Variants in PLEKHH1 observed in about 807,000 individuals in gnomAD.
The protein encoded by PLEKHH1 is pleckstrin homology, MyTH4 and FERM domain containing H1.
Under a neutral mutation model 160.0 loss-of-function variants are expected in PLEKHH1, and 104 were observed. The observed-to-expected ratio is 0.65, with a 90% CI of 0.55 to 0.76. PLEKHH1 has a LOEUF of 0.76. Among genes scored for constraint, PLEKHH1 ranks in the 30% least tolerant of loss-of-function variants. PLEKHH1 has a pLI of 0.00. For synonymous variants in PLEKHH1, 619 were observed against 678.4 expected, an observed-to-expected ratio of 0.91 and a Z score of 1.36; for missense variants, 1,427 against 1,724.1, an observed-to-expected ratio of 0.83 and a Z score of 3.05.
chr14:67,575,019 C>A (rs1019969757), intron 14 of PLEKHH1, among the ~76,000 whole-genome samples: 2 of 152,236 alleles, frequency 1.3e-5, no homozygotes, highest in African/African-American at 2.4e-5. Flanking sequence ...TCTGTTCCTT[C>A]ATGATGCATG....
At chr14:67,535,370 C>CTTTTTTTTTT (rs71129833) in intron 1 of PLEKHH1, among the ~76,000 whole-genome samples, 1 of 74,192 alleles carries the variant, frequency 1.3e-5, no homozygotes. Context: ...GTGAGCACAT[C>CTTTTTTTTTT]TTTTTTTTTT....
chr14:67,541,777 A>G (rs1391819672), intron 1 of PLEKHH1, 57 bp from the exon 2 acceptor site: 2 of 1,235,610 alleles, frequency 1.6e-6, no homozygotes, highest in South Asian at 1.6e-5. Context: ...CTTTCCCCAC[A>G]GAACTCTTCC....
chr14:67,566,749 GAA>G (rs58616303), intron 7 of PLEKHH1, among the ~76,000 whole-genome samples: 18,188 of 134,130 alleles, frequency 0.14, 1,365 homozygotes, highest in East Asian at 0.28. Flanking sequence ...ACCCTGTCTT[GAA>G]AAAAAAAAAA....
intron 22 of PLEKHH1, 167 bp downstream of exon 22, chr14:67,580,043 C>T: frequency 1.6e-6 from 1 of 633,726 alleles, no homozygotes; most frequent in South Asian, 2.1e-5. Flanking sequence ...TGTACCTGGG[C>T]AGGGAGAAAA....
rs201561620 is a variant in PLEKHH1 at position 67,571,806 on chromosome 14, G to A, written c.1489G>A (p.Asp497Asn). 249 of 1,613,816 alleles carry A rather than the reference G, an allele frequency of 1.5e-4. 1 individual carries two copies. The highest frequency in any genetic ancestry group is 4.5e-5 in the East Asian group (2 of 44,878). Residue 497 changes from aspartate to asparagine, a missense_variant, in exon 10 of 29, where the codon GAT becomes AAT. Transcript: ENST00000329153. ...PFMDESSGSD[D>N]DCSSQASFRI... Reference sequence around the variant, plus strand: ...TATGGACGAGTCCTCTGGGTCTGACGATGACTGCAGCTCTCAGGCGAGTTT... The same window carrying A: ...TATGGACGAGTCCTCTGGGTCTGACAATGACTGCAGCTCTCAGGCGAGTTT...
chr14:67,572,179 C>A lies in PLEKHH1; in HGVS notation c.1630C>A (p.Pro544Thr). The change falls in exon 11 of 29, where the codon CCC becomes ACC. Residue 544 changes from proline to threonine, a missense_variant. Pro to Thr is a conservative substitution (Grantham distance 38). Coordinates refer to ENST00000329153, the MANE Select transcript of PLEKHH1 (RefSeq NM_020715.3). ...GAGCTCCGAGGGTGACTACGCCATCCCCCCGGACGCCTGCTCACTGGACAG... is the reference window on the plus strand; with the variant it reads ...GAGCTCCGAGGGTGACTACGCCATCACCCCGGACGCCTGCTCACTGGACAG... ...SLSSEGDYAIPPDACSLDSDY... is the reference protein window; with the variant it reads ...SLSSEGDYAITPDACSLDSDY... 2 of 1,607,660 alleles carry A rather than the reference C, an allele frequency of 1.2e-6. No homozygotes were observed. Among genetic ancestry groups the A allele is most frequent in the Non-Finnish European group, 1.7e-6 (2 of 1,177,310 alleles).
Position 67,585,585 on chromosome 14 carries a change from C to T in PLEKHH1, c.3717C>T (p.Ser1239=), listed in dbSNP as rs1407201099. 4 of 1,582,758 alleles carry T rather than the reference C, an allele frequency of 2.5e-6. No homozygotes were observed. The Admixed American group carries it at 7.1e-5, about 28-fold the overall frequency. Reference sequence around the variant, plus strand: ...TTCCCCAGCCTGCCCAGCTGTCTTCCAAGGAGAACGCTCTGGTGTGGATTG... The same window carrying T: ...TTCCCCAGCCTGCCCAGCTGTCTTCTAAGGAGAACGCTCTGGTGTGGATTG... ...LFAAQPAQLS[S]KENALVWIAV... The change falls in exon 27 of 29, where the codon TCC becomes TCT. Residue 1239 remains serine (S), a synonymous_variant. Coordinates refer to ENST00000329153, the MANE Select transcript of PLEKHH1 (RefSeq NM_020715.3).
chr14:67,554,379 A>T (rs779902825), intron 2 of PLEKHH1, among the ~76,000 whole-genome samples: 2 of 152,168 alleles, frequency 1.3e-5, no homozygotes, highest in Non-Finnish European at 2.9e-5. Context: ...GAAGAGGCCA[A>T]ATCCTTAGAG....
At position 67,572,407 on chromosome 14, in the gene PLEKHH1, G is replaced by A. The variant is rs999121818; in HGVS notation, c.1728+130G>A. On this transcript the variant is annotated intron_variant, in intron 11 of 28. Transcript: ENST00000329153. ...CCTAGAGCTGGGGGATGGGGGCAGG[G>A]GGCGTGGGCTGGGGGGGTGTACAGT... is the stretch of plus-strand genomic sequence containing the variant. The A allele has an allele frequency of 6.5e-5, 40 of 617,190 alleles. 1 individual carries two copies. Among genetic ancestry groups the A allele is most frequent in the Admixed American group, 1.5e-4 (5 of 33,340 alleles). 38.2% of individuals were successfully genotyped at this position (617,190 alleles called of 1,614,324 possible). A position where few individuals can be genotyped will look rare whatever the true frequency, so the allele number is the denominator to read the frequency against.
chr14:67,560,088 G>A (rs888351422), intron 5 of PLEKHH1, among the ~76,000 whole-genome samples: 21 of 152,164 alleles, frequency 1.4e-4, no homozygotes, highest in South Asian at 2.1e-4. Flanking sequence ...GTGTAGTGGC[G>A]CAATCTCGGC....
At chr14:67,586,779 TTTC>T (rs768604039) in intron 28 of PLEKHH1, 1 of 1,359,590 alleles carries the variant, frequency 7.4e-7, no homozygotes, top group South Asian at 1.3e-5. Flanking sequence ...TCCAGATCCC[TTTC>T]TTAAGAAGGC....
chr14:67,557,235 T>C (rs1273335968), intron 3 of PLEKHH1, 34 bp from the exon 4 acceptor site: 1 of 1,603,166 alleles, frequency 6.2e-7, no homozygotes, highest in Non-Finnish European at 8.5e-7. Flanking sequence ...GTGTGAGTGA[T>C]GGGAAGACAC....
chr14:67,584,193 C>T, intron 26 of PLEKHH1, 69 bp downstream of exon 26: 1 of 1,526,802 alleles, frequency 6.5e-7, no homozygotes, highest in African/African-American at 1.4e-5. Flanking sequence ...TTGAGCCATA[C>T]CAATTTGCAG....
At position 67,589,609 on chromosome 14, in the gene PLEKHH1, G is replaced by A; in HGVS notation, c.*2374G>A. 1.0e-6 allele frequency: 1 copy of A among 986,122 alleles called. No individual in the cohort carries two copies. The allele number at this position is 986,122 out of a possible 1,614,324, so 61.1% of individuals were successfully genotyped here. On this transcript the variant is annotated 3_prime_UTR_variant, in exon 29 of 29. Coordinates refer to ENST00000329153, the MANE Select transcript of PLEKHH1 (RefSeq NM_020715.3). ...CTGTACAGAACACAGGCACTAGGTT[G>A]ACAGACTCGTCTTTTGTAGGACATT...
At chr14:67,555,164 C>T (rs553659642) in intron 2 of PLEKHH1, among the ~76,000 whole-genome samples, 68 of 152,318 alleles carry the variant, frequency 4.5e-4, no homozygotes, top group Middle Eastern at 6.8e-3. Flanking sequence ...GTGATCTTCC[C>T]GCCTTAGGCT....
chr14:67,561,995 C>G lies in PLEKHH1; in HGVS notation c.465C>G (p.Arg155=), dbSNP rs370370533. The change falls in exon 6 of 29, where the codon CGC becomes CGG. Residue 155 remains arginine, a synonymous_variant. Coordinates refer to ENST00000329153, the MANE Select transcript of PLEKHH1 (RefSeq NM_020715.3). ...AGCATCTGAAAAGCCATAATCAGCGCCTGGTGGAGCAGGTGGGATCCCTTC... is the reference window on the plus strand; with the variant it reads ...AGCATCTGAAAAGCCATAATCAGCGGCTGGTGGAGCAGGTGGGATCCCTTC... ...ENQHLKSHNQ[R]LVEQVGSLQD... 1 of 1,613,894 alleles carries G rather than the reference C, an allele frequency of 6.2e-7. No homozygotes were observed. The highest frequency in any genetic ancestry group is 8.5e-7 in the Non-Finnish European group (1 of 1,179,852).
chr14:67,555,515 T>C (rs973273341), intron 2 of PLEKHH1, among the ~76,000 whole-genome samples: 2 of 152,066 alleles, frequency 1.3e-5, no homozygotes, highest in African/African-American at 2.4e-5. Context: ...CAGGGTGGGA[T>C]GCTCAGGAAG....
rs2035732027 is a variant in PLEKHH1, at chr14:67,578,462, T to A, written c.2752-72T>A. On this transcript the variant is annotated intron_variant, in intron 19 of 28. Transcript: ENST00000329153. The surrounding 1 kb of genome is among the most constrained non-coding windows in gnomAD (Gnocchi z 5.0). ...TGGGGAAAGAGTGCTGAAGGCTCTG[T>A]AGCTCAGGGCTATGAGGACAGGTGG... 3 of 1,103,446 alleles carry A rather than the reference T, an allele frequency of 2.7e-6. No homozygotes were observed. Among genetic ancestry groups the A allele is most frequent in the African/African-American group, 3.1e-5 (2 of 64,834 alleles). The allele number at this position is 1,103,446 out of a possible 1,614,324, so 68.4% of individuals were successfully genotyped here.
intron 24 of PLEKHH1, among the ~76,000 whole-genome samples, chr14:67,583,196 A>G (rs575666067): frequency 6.6e-6 from 1 of 152,354 alleles, no homozygotes; most frequent in Non-Finnish European, 1.5e-5. Context: ...ATCTTTATAA[A>G]TATCAATAGG....
Sources: allele counts gnomAD v4.1 joint callset (sites outside exome capture counted in the v4.1 genomes callset), GRCh38; gene constraint gnomAD v4.1.1; non-coding constraint Gnocchi (gnomAD v3.1); transcripts MANE v1.5; gene names NCBI Gene and HGNC (gene_info 2026-07-23, HGNC 2026-07-21).